Variants in ABCC11 observed in about 807,000 individuals in gnomAD.
ABCC11 encodes the protein ATP-binding cassette sub-family C member 11.
Under a neutral mutation model 149.3 loss-of-function variants are expected in ABCC11, and 135 were observed. The ratio of observed to expected loss-of-function variants is 0.90; its 90% CI spans 0.79 to 1.04. The LOEUF (loss-of-function observed/expected upper bound fraction) is 1.04. Ranked by LOEUF, ABCC11 falls within the 50% of genes least tolerant of loss-of-function variation. The probability of loss-of-function intolerance (pLI) is 0.00; values close to 1 mark genes in which losing one functional copy is unlikely to be tolerated. For synonymous variants in ABCC11, 665 were observed against 671.4 expected (o/e 0.99, Z 0.15); for missense variants, 1,680 against 1,722.1 (o/e 0.98, Z 0.43).
chr16:48,179,656 G>A (rs984779547), intron 23 of ABCC11, among the ~76,000 whole-genome samples: 2 of 152,208 alleles, frequency 1.3e-5, no homozygotes, highest in Admixed American at 1.3e-4. Flanking sequence ...AGGCAACAAA[G>A]AATAAAGTGC....
chr16:48,172,247 C>T (rs972753621), intron 26 of ABCC11, among the ~76,000 whole-genome samples: 1 of 152,028 alleles, frequency 6.6e-6, no homozygotes, highest in Non-Finnish European at 1.5e-5. Flanking sequence ...GTATATACCA[C>T]ATTTTGTTTT....
chr16:48,231,294 T>C (rs1970400695), intron 2 of ABCC11, among the ~76,000 whole-genome samples: 1 of 152,098 alleles, frequency 6.6e-6, no homozygotes, highest in Non-Finnish European at 1.5e-5. Context: ...TGCATAGAGA[T>C]ATGCATAAAC....
In ABCC11 at chr16:48,189,334, G is replaced by A. The variant is rs532622826; in HGVS notation, c.2707-1907C>T. 7.9e-5 allele frequency among the ~76,000 whole-genome samples: 12 copies of A among 152,284 alleles called. No individual in the cohort carries two copies. In the South Asian group the frequency reaches 2.1e-3, roughly 26 times the overall value. ...AAGCCCAGCATTACTTTGGATTAGG[G>A]ACCAATGGTGGCGACAAAGGGAAAA... On this transcript the variant is annotated intron_variant, in intron 20 of 29. Coordinates refer to ENST00000356608, the MANE Select transcript of ABCC11 (RefSeq NM_001370497.1).
At chr16:48,240,102 G>A (rs770320191) in intron 1 of ABCC11, among the ~76,000 whole-genome samples, 9 of 152,154 alleles carry the variant, frequency 5.9e-5, no homozygotes, top group South Asian at 2.1e-4. Context: ...TGACCATTGC[G>A]GAAGACAGTC....
chr16:48,217,205 G>A (rs940624991), intron 6 of ABCC11, among the ~76,000 whole-genome samples: 3 of 151,958 alleles, frequency 2.0e-5, no homozygotes, highest in Middle Eastern at 3.4e-3. Context: ...TTCTTCACTC[G>A]ATTCTATTCA....
rs756867582 is a variant in ABCC11 at position 48,200,454 on chromosome 16, G to A, written c.1904C>T (p.Ser635Phe). Residue 635 changes from serine (S) to phenylalanine (F), a missense_variant, in exon 15 of 30, where the codon TCT becomes TTT. Coordinates refer to ENST00000356608, the MANE Select transcript of ABCC11 (RefSeq NM_001370497.1). ...TEIGERGLNL[S>F]GGQKQRISLA... is the part of the protein sequence containing the mutation. ...GCTGATCCTCTGTTTCTGCCCCCCAGAGAGGTTGAGGCCCCGCTCTCCAAT... is the reference window on the plus strand; with the variant it reads ...GCTGATCCTCTGTTTCTGCCCCCCAAAGAGGTTGAGGCCCCGCTCTCCAAT... 6.2e-7 allele frequency: 1 copy of A among 1,614,074 alleles called. No homozygotes were observed. Among genetic ancestry groups the A allele is most frequent in the Admixed American group, 1.7e-5 (1 of 60,008 alleles).
chr16:48,189,457 T>G (rs1411231644), intron 20 of ABCC11, among the ~76,000 whole-genome samples: 1 of 152,250 alleles, frequency 6.6e-6, no homozygotes, highest in East Asian at 1.9e-4. Context: ...TGCTTGCAGT[T>G]GAGCGAACTT....
At chr16:48,244,707 G>C (rs1402772166) in intron 1 of ABCC11, 1 of 1,000,232 alleles carries the variant, frequency 1.0e-6, no homozygotes, top group South Asian at 2.7e-5. Context: ...CCTTGAGCGC[G>C]AGGCTCAGTT....
chr16:48,237,190 G>A (rs1970731356), intron 1 of ABCC11, among the ~76,000 whole-genome samples: 2 of 152,162 alleles, frequency 1.3e-5, no homozygotes, highest in Non-Finnish European at 2.9e-5. Context: ...TTGATGAAAA[G>A]GTAAGCGCTT....
intron 26 of ABCC11, 141 bp from the exon 27 acceptor site, chr16:48,171,108 A>AT (rs1430994954): frequency 5.1e-6 from 4 of 781,652 alleles, no homozygotes; most frequent in African/African-American, 1.7e-5. Context: ...ACAAATGGAG[A>AT]TTTTTTGTGC....
Position 48,187,098 on chromosome 16 carries a change from G to A in ABCC11, c.2934-8C>T, listed in dbSNP as rs1303739142. 1 of 1,614,182 alleles carries A rather than the reference G, an allele frequency of 6.2e-7. No homozygotes were observed. The highest frequency in any genetic ancestry group is 8.5e-7 in the Non-Finnish European group (1 of 1,180,028). On this transcript the variant is annotated splice_polypyrimidine_tract_variant and splice_region_variant and intron_variant, in intron 21 of 29. Coordinates refer to ENST00000356608, the MANE Select transcript of ABCC11 (RefSeq NM_001370497.1). Reference sequence around the variant, plus strand: ...ATGGCCTTCTTGAACATCCTGCATGGACAGTGGAGGTAAGGGACCTGGACC... The same window carrying A: ...ATGGCCTTCTTGAACATCCTGCATGAACAGTGGAGGTAAGGGACCTGGACC...
Position 48,198,263 on chromosome 16 carries a change from A to G in ABCC11, c.2095T>C (p.Cys699Arg), listed in dbSNP as rs144834430. ...TTTTCCAACAAAATGATCTGGCCAC[A>G]AAATTCTAAGTACTGGACAGTCAAA... ...VTHQLQYLEF[C>R]GQIILLENGK... Residue 699 changes from cysteine (C) to arginine (R), a missense_variant, in exon 16 of 30, where the codon TGT (cysteine) becomes CGT (arginine). Transcript: ENST00000356608. The G allele has an allele frequency of 3.1e-6, 5 of 1,614,132 alleles. No individual in the cohort carries two copies. The highest frequency in any genetic ancestry group is 1.7e-5 in the Admixed American group (1 of 60,008).
In ABCC11 at chr16:48,208,508, G is replaced by A. The variant is rs1005860396; in HGVS notation, c.1609-12C>T. On this transcript the variant is annotated splice_polypyrimidine_tract_variant and intron_variant, in intron 11 of 29. Transcript: ENST00000356608. ...CCTAACATCATCCCCTGCAAGCCAA[G>A]GAGGACATACAAGTGTTGGGACAGC... The A allele has an allele frequency of 5.0e-6, 8 of 1,613,940 alleles. No homozygotes were observed. Among genetic ancestry groups the A allele is most frequent in the Admixed American group, 3.3e-5 (2 of 59,992 alleles).
In ABCC11 at chr16:48,191,561, G is replaced by A. The variant is rs992002701; in HGVS notation, c.2706+959C>T. 7.9e-5 allele frequency among the ~76,000 whole-genome samples: 12 copies of A among 152,288 alleles called. 1 individual carries two copies. The South Asian group carries it at 2.5e-3, about 32-fold the overall frequency. ...TCTGTACTTTCATCTCAATTTTTCT[G>A]TAAACGAAAAGTGCTCAAAAAATAA... On this transcript the variant is annotated intron_variant, in intron 20 of 29. Transcript: ENST00000356608.
chr16:48,195,752 G>A (rs1274185897), intron 18 of ABCC11, among the ~76,000 whole-genome samples: 3 of 152,156 alleles, frequency 2.0e-5, no homozygotes, highest in Non-Finnish European at 4.4e-5. Context: ...GACCTTTTGC[G>A]ATGTGGCCGC....
intron 1 of ABCC11, among the ~76,000 whole-genome samples, chr16:48,239,615 A>G (rs1970863946): frequency 6.7e-6 from 1 of 149,976 alleles, no homozygotes; most frequent in Non-Finnish European, 1.5e-5. Context: ...GGATATAGGC[A>G]CCGGCAAGAT....
At position 48,186,854 on chromosome 16, in the gene ABCC11, G is replaced by T. The variant is rs577662736; in HGVS notation, c.3071+99C>A. 15 of 1,440,312 alleles carry T rather than the reference G, an allele frequency of 1.0e-5. No homozygotes were observed. The African/African-American group carries it at 2.1e-4, about 20-fold the overall frequency. 89.2% of individuals were successfully genotyped at this position (1,440,312 alleles called of 1,614,324 possible). On this transcript the variant is annotated intron_variant, in intron 22 of 29. Transcript: ENST00000356608. ...TCCATCGAACAATGTGCTCTCTGAT[G>T]CTTTTGAAGATGATGCCACTCCCAG...
At chr16:48,190,645 G>A (rs747951404) in intron 20 of ABCC11, among the ~76,000 whole-genome samples, 6 of 152,314 alleles carry the variant, frequency 3.9e-5, no homozygotes, top group South Asian at 2.1e-4. Flanking sequence ...GATTCCAGGC[G>A]TGAGCTACTG....
Position 48,167,545 on chromosome 16 carries a change from A to T in ABCC11, c.4007T>A (p.Val1336Asp). 1 of 1,614,166 alleles carries T rather than the reference A, an allele frequency of 6.2e-7. No individual in the cohort carries two copies. The highest frequency in any genetic ancestry group is 1.1e-5 in the South Asian group (1 of 91,084). ...GTGGTCACAGTTCAGCACAGTGGTG[A>T]CACGGTGGGCAATGACGAGCACGGT... ...GCTVLVIAHRVTTVLNCDHIL... is the reference protein window; with the variant it reads ...GCTVLVIAHRDTTVLNCDHIL... Residue 1336 changes from valine (V) to aspartate (D), a missense_variant, in exon 29 of 30, where the codon GTC becomes GAC. Val to Asp is a radical substitution (Grantham distance 152). Transcript: ENST00000356608.
Sources: gnomAD v4.1 joint callset for allele counts (sites outside exome capture counted in the v4.1 genomes callset) on GRCh38, gnomAD v4.1.1 for gene constraint, MANE v1.5 for transcripts, NCBI Gene and HGNC (gene_info 2026-07-23, HGNC 2026-07-21) for gene names.